SCFD2: variants seen among roughly 807,000 people sequenced by gnomAD.
The protein encoded by SCFD2 is sec1 family domain-containing protein 2.
A neutral mutation model predicts 58.9 loss-of-function variants in SCFD2; 54 were observed. The ratio of observed to expected loss-of-function variants is 0.92; its 90% CI spans 0.74 to 1.15. The LOEUF is 1.15. Ranked by LOEUF, SCFD2 falls within the 50% of genes most tolerant of loss-of-function variation. The probability of loss-of-function intolerance (pLI) is 0.00; values close to 1 mark genes in which losing one functional copy is unlikely to be tolerated. For synonymous variants in SCFD2, 321 were observed against 335.9 expected (o/e 0.96, Z 0.49); for missense variants, 805 against 836.6 (o/e 0.96, Z 0.47).
At chr4:53,084,726 G>A (rs1313092430) in intron 5 of SCFD2, among the ~76,000 whole-genome samples, 2 of 152,128 alleles carry the variant, frequency 1.3e-5, no homozygotes, top group Non-Finnish European at 2.9e-5. Context: ...AGGGATGCAA[G>A]GATGGTTCAG....
intron 4 of SCFD2, among the ~76,000 whole-genome samples, chr4:53,186,492 A>C (rs936289033): frequency 1.3e-5 from 2 of 152,056 alleles, no homozygotes; most frequent in Non-Finnish European, 2.9e-5. Context: ...TTATACTAGC[A>C]TTAATATGGG....
intron 4 of SCFD2, among the ~76,000 whole-genome samples, chr4:53,266,818 C>G (rs559046050): frequency 6.6e-6 from 1 of 152,302 alleles, no homozygotes; most frequent in African/African-American, 2.4e-5. Context: ...AAAAAGGAGT[C>G]ATGAAGATGC....
At chr4:52,883,010 C>G (rs1352015588) in intron 8 of SCFD2, among the ~76,000 whole-genome samples, 1 of 152,170 alleles carries the variant, frequency 6.6e-6, no homozygotes, top group Non-Finnish European at 1.5e-5. Flanking sequence ...AGGGTTACTC[C>G]CTTGCTTGCC....
At chr4:53,026,235 G>A (rs1217986789) in intron 5 of SCFD2, among the ~76,000 whole-genome samples, 2 of 152,132 alleles carry the variant, frequency 1.3e-5, no homozygotes, top group Admixed American at 6.5e-5. Flanking sequence ...TATTCCCATT[G>A]TAAAAGACAT....
At chr4:53,130,302 T>A (rs2148899041) in intron 5 of SCFD2, among the ~76,000 whole-genome samples, 1 of 152,320 alleles carries the variant, frequency 6.6e-6, no homozygotes, top group Non-Finnish European at 1.5e-5. Context: ...ATACAAAAAA[T>A]CTTCAAGTAA....
chr4:53,095,555 T>C (rs1458575118), intron 5 of SCFD2, among the ~76,000 whole-genome samples: 1 of 152,130 alleles, frequency 6.6e-6, no homozygotes, highest in East Asian at 1.9e-4. Context: ...CTTCAGTATC[T>C]TCTTGACATG....
rs74964117 is a variant in SCFD2, at chr4:52,914,342, G to C, written c.1707+6383C>G. Among the ~76,000 whole-genome samples, 436 of 152,322 alleles carry C rather than the reference G, an allele frequency of 2.9e-3. 3 individuals carry two copies. Among genetic ancestry groups the C allele is most frequent in the African/African-American group, 0.01 (420 of 41,578 alleles). On this transcript the variant is annotated intron_variant, in intron 6 of 8. Coordinates refer to ENST00000401642, the MANE Select transcript of SCFD2 (RefSeq NM_152540.4). The stretch of plus-strand genomic sequence containing the variant: ...GAGTGCTGGAAGCTATGTCTGTGGA[G>C]TTCTTACAGAGGAATTAGCTCCTAC...
intron 4 of SCFD2, among the ~76,000 whole-genome samples, chr4:53,259,019 T>C (rs866852345): frequency 6.6e-6 from 1 of 152,332 alleles, no homozygotes; most frequent in Middle Eastern, 3.4e-3. Flanking sequence ...CATTTCTATA[T>C]CTTCTTTTGA....
intron 5 of SCFD2, among the ~76,000 whole-genome samples, chr4:52,964,770 C>A (rs937944363): frequency 1.3e-5 from 2 of 151,150 alleles, no homozygotes; most frequent in African/African-American, 4.9e-5. Flanking sequence ...CCATCAAGTG[C>A]AGTTTGTTGT....
intron 5 of SCFD2, among the ~76,000 whole-genome samples, chr4:53,082,977 CT>C (rs1724193365): frequency 7.4e-4 from 1 of 1,358 alleles, no homozygotes; most frequent in South Asian, 0.5. Flanking sequence ...ATCTGTCTCT[CT>C]TTCTCTCTTT....
At chr4:52,921,195 C>T (rs941518660) in intron 5 of SCFD2, among the ~76,000 whole-genome samples, 12 of 152,086 alleles carry the variant, frequency 7.9e-5, no homozygotes, top group Admixed American at 4.6e-4. Flanking sequence ...CCTCGGAACA[C>T]GACTTTGGGA....
In SCFD2 at chr4:53,234,785, C is replaced by T. The variant is rs550609723; in HGVS notation, c.1311+39041G>A. On this transcript the variant is annotated intron_variant, in intron 4 of 8. Coordinates refer to ENST00000401642, the MANE Select transcript of SCFD2 (RefSeq NM_152540.4). Reference sequence around the variant, plus strand: ...GATCAGAATTACAAGGCTCACAGCACGAACTCCTGTGATGAATATTGCAAC... The same window carrying T: ...GATCAGAATTACAAGGCTCACAGCATGAACTCCTGTGATGAATATTGCAAC... Among the ~76,000 whole-genome samples the T allele has an allele frequency of 5.9e-5, 9 of 152,200 alleles. No individual in the cohort carries two copies. In the South Asian group the frequency reaches 1.5e-3, roughly 25 times the overall value.
intron 5 of SCFD2, among the ~76,000 whole-genome samples, chr4:53,083,010 C>T (rs1285945838): frequency 2.0e-5 from 3 of 151,762 alleles, no homozygotes; most frequent in Non-Finnish European, 4.4e-5. Context: ...AATATATATC[C>T]TATTGGTTCT....
intron 5 of SCFD2, among the ~76,000 whole-genome samples, chr4:53,080,850 A>T (rs1724127636): frequency 6.6e-6 from 1 of 152,206 alleles, no homozygotes. Context: ...TACATGGCTA[A>T]CCACTGTAGA....
chr4:53,140,015 G>A (rs375247779), intron 5 of SCFD2, among the ~76,000 whole-genome samples: 25 of 150,890 alleles, frequency 1.7e-4, no homozygotes, highest in Non-Finnish European at 3.2e-4. Flanking sequence ...CAGCATGCTC[G>A]TTAAGAGTCA....
intron 3 of SCFD2, among the ~76,000 whole-genome samples, chr4:53,280,189 T>C (rs1373060148): frequency 6.6e-6 from 1 of 152,198 alleles, no homozygotes; most frequent in Non-Finnish European, 1.5e-5. Context: ...ATGGCAAAAC[T>C]GTTATGATGG....
At chr4:53,106,887 T>A (rs770649778) in intron 5 of SCFD2, among the ~76,000 whole-genome samples, 1 of 152,074 alleles carries the variant, frequency 6.6e-6, no homozygotes, top group African/African-American at 2.4e-5. Flanking sequence ...ACCACAAAGA[T>A]ACCCCTCGAG....
At chr4:52,882,527 A>G (rs891503677) in intron 8 of SCFD2, among the ~76,000 whole-genome samples, 2 of 152,156 alleles carry the variant, frequency 1.3e-5, no homozygotes, top group Non-Finnish European at 2.9e-5. Flanking sequence ...TGGACTGGGA[A>G]AGGCAGACCC....
At chr4:53,077,661 C>T (rs570268369) in intron 5 of SCFD2, among the ~76,000 whole-genome samples, 7 of 152,266 alleles carry the variant, frequency 4.6e-5, no homozygotes, top group South Asian at 2.1e-4. Flanking sequence ...TGGTCTCGAA[C>T]TCCCGACCTC....
Sources: gnomAD v4.1 joint callset for allele counts (sites outside exome capture counted in the v4.1 genomes callset) on GRCh38, gnomAD v4.1.1 for gene constraint, MANE v1.5 for transcripts, NCBI Gene and HGNC (gene_info 2026-07-23, HGNC 2026-07-21) for gene names.